RBFOX1: variants seen among roughly 807,000 people sequenced by gnomAD.
The protein encoded by RBFOX1 is RNA binding fox-1 homolog 1, also known as RNA binding protein fox-1 homolog 1.
Under a neutral mutation model 57.7 loss-of-function variants are expected in RBFOX1, and 8 were observed. The ratio of observed to expected loss-of-function variants is 0.14; its 90% confidence interval spans 0.08 to 0.25. RBFOX1 has a LOEUF of 0.25. RBFOX1 is among the 10% of genes least tolerant of loss of function. RBFOX1 has a pLI of 1.00. For missense variants in RBFOX1, 611 were observed against 548.5 expected (o/e 1.11, Z -1.14); for synonymous variants, 326 against 222.4 (o/e 1.47, Z -4.15).
intron 4 of RBFOX1, among the ~76,000 whole-genome samples, chr16:7,491,483 C>G (rs760258235): frequency 6.6e-6 from 1 of 151,404 alleles, no homozygotes; most frequent in African/African-American, 2.4e-5. Flanking sequence ...TGATGTGATC[C>G]CTCTGATTTT....
intron 2 of RBFOX1, among the ~76,000 whole-genome samples, chr16:6,588,425 G>A (rs1327433659): frequency 6.6e-6 from 1 of 151,622 alleles, no homozygotes; most frequent in African/African-American, 2.4e-5. Flanking sequence ...GGCCAAGGCA[G>A]GTGGATCGTC....
At chr16:6,336,995 C>G (rs1226106590) in intron 2 of RBFOX1, among the ~76,000 whole-genome samples, 1 of 152,160 alleles carries the variant, frequency 6.6e-6, no homozygotes, top group Non-Finnish European at 1.5e-5. Flanking sequence ...CATTGCAACC[C>G]TTATTCTAAA....
At chr16:5,649,055 C>G (rs937457171) in intron 3 of RBFOX1, among the ~76,000 whole-genome samples, 1 of 151,322 alleles carries the variant, frequency 6.6e-6, no homozygotes, top group Admixed American at 6.6e-5. Context: ...CAGAATGAGA[C>G]TCTGTATCAA....
At chr16:6,741,518 G>A (rs754470910) in intron 3 of RBFOX1, among the ~76,000 whole-genome samples, 2 of 151,716 alleles carry the variant, frequency 1.3e-5, no homozygotes, top group Non-Finnish European at 2.9e-5. Flanking sequence ...ACAAATTTTA[G>A]CCAGGCTAAC....
At chr16:7,460,270 C>G (rs1017504663) in intron 4 of RBFOX1, among the ~76,000 whole-genome samples, 4 of 150,838 alleles carry the variant, frequency 2.7e-5, no homozygotes, top group African/African-American at 9.8e-5. Context: ...GTTTAATTTT[C>G]CTTTTTAGGA....
intron 2 of RBFOX1, among the ~76,000 whole-genome samples, chr16:5,497,638 A>AAAAAAAAT (rs71142625): frequency 0.032 from 4,460 of 139,204 alleles, 388 homozygotes; most frequent in African/African-American, 0.12. Flanking sequence ...AAAAAAAAAA[A>AAAAAAAAT]GCTGGGCATG....
chr16:6,896,909 A>G (rs1454279847), intron 3 of RBFOX1, among the ~76,000 whole-genome samples: 1 of 152,150 alleles, frequency 6.6e-6, no homozygotes, highest in East Asian at 1.9e-4. Flanking sequence ...TTTTAAAAAA[A>G]ATGCATTTGG....
intron 2 of RBFOX1, among the ~76,000 whole-genome samples, chr16:6,455,207 C>T (rs9938274): frequency 0.32 from 48,212 of 151,776 alleles, 8,070 homozygotes; most frequent in Non-Finnish European, 0.37. Context: ...AGGTGTTTTT[C>T]TAGGCCCTAT....
intron 10 of RBFOX1, among the ~76,000 whole-genome samples, chr16:7,618,241 A>G (rs2058770271): frequency 6.6e-6 from 1 of 152,190 alleles, no homozygotes; most frequent in Non-Finnish European, 1.5e-5. Context: ...TAACAATTAT[A>G]ATTAAAAATA....
intron 4 of RBFOX1, among the ~76,000 whole-genome samples, chr16:6,006,231 G>T (rs2094926384): frequency 6.6e-6 from 1 of 152,172 alleles, no homozygotes; most frequent in African/African-American, 2.4e-5. Context: ...TTCAGGTGGG[G>T]TTGAATCTGT....
intron 1 of RBFOX1, among the ~76,000 whole-genome samples, chr16:6,095,882 T>C (rs2096239902): frequency 6.6e-6 from 1 of 152,144 alleles, no homozygotes; most frequent in African/African-American, 2.4e-5. Context: ...GCCTTGTCTA[T>C]CTCCTGGCGT....
chr16:7,187,462 GGCTA>G (rs2084144838), intron 4 of RBFOX1, among the ~76,000 whole-genome samples: 1 of 151,478 alleles, frequency 6.6e-6, no homozygotes, highest in African/African-American at 2.4e-5. Flanking sequence ...GGCCAAGGCG[GGCTA>G]ATCACGAGAT....
intron 2 of RBFOX1, among the ~76,000 whole-genome samples, chr16:5,586,141 C>T (rs1245138083): frequency 6.6e-6 from 1 of 152,190 alleles, no homozygotes; most frequent in East Asian, 1.9e-4. Flanking sequence ...TTGAGGATCT[C>T]TGTGGCCAGC....
intron 1 of RBFOX1, among the ~76,000 whole-genome samples, chr16:5,443,181 G>A (rs959380195): frequency 2.0e-5 from 3 of 152,148 alleles, no homozygotes; most frequent in Non-Finnish European, 4.4e-5. Flanking sequence ...GTCATAACTT[G>A]TTGCAGTAGT....
intron 3 of RBFOX1, among the ~76,000 whole-genome samples, chr16:6,938,786 G>T (rs137934504): frequency 3.9e-5 from 6 of 152,118 alleles, no homozygotes; most frequent in Non-Finnish European, 5.9e-5. Flanking sequence ...CCAAAAATTA[G>T]CTGGGTGTGG....
intron 3 of RBFOX1, among the ~76,000 whole-genome samples, chr16:6,776,666 A>G (rs542966067): frequency 6.7e-6 from 1 of 149,392 alleles, no homozygotes; most frequent in East Asian, 1.9e-4. Context: ...TACCTGAATT[A>G]TTATAAAGGT....
chr16:6,805,261 C>T (rs2037093112), intron 3 of RBFOX1, among the ~76,000 whole-genome samples: 1 of 152,130 alleles, frequency 6.6e-6, no homozygotes, highest in South Asian at 2.1e-4. Flanking sequence ...AGCTTGAGGC[C>T]ATTTTCCTTA....
intron 1 of RBFOX1, among the ~76,000 whole-genome samples, chr16:5,446,265 C>T (rs985751313): frequency 6.6e-6 from 1 of 151,688 alleles, no homozygotes; most frequent in East Asian, 1.9e-4. Flanking sequence ...CTTCTGTGGG[C>T]AAAACATCAG....
intron 1 of RBFOX1, among the ~76,000 whole-genome samples, chr16:6,105,203 G>A (rs1385228997): frequency 6.6e-6 from 1 of 152,174 alleles, no homozygotes; most frequent in East Asian, 1.9e-4. Flanking sequence ...CCATTTTTAA[G>A]TTACTGTTTT....
Sources: gnomAD v4.1 joint callset for allele counts (sites outside exome capture counted in the v4.1 genomes callset) on GRCh38, gnomAD v4.1.1 for gene constraint, MANE v1.5 for transcripts, NCBI Gene and HGNC (gene_info 2026-07-23, HGNC 2026-07-21) for gene names.